GLDC: variants seen among roughly 807,000 people sequenced by gnomAD.
GLDC encodes the protein glycine decarboxylase, also known as glycine dehydrogenase (decarboxylating), mitochondrial.
A neutral mutation model predicts 121.3 loss-of-function variants in GLDC; 104 were observed. That is an observed-to-expected ratio of 0.86 (90% CI 0.73 to 1.01). GLDC has a LOEUF of 1.01. GLDC is among the 50% of genes least tolerant of loss of function. The probability of loss-of-function intolerance (pLI) is 0.00; values close to 1 mark genes in which losing one functional copy is unlikely to be tolerated. For synonymous variants in GLDC, 546 were observed against 480.6 expected, an observed-to-expected ratio of 1.14 and a Z score of -1.78; for missense variants, 1,429 against 1,306.6, an observed-to-expected ratio of 1.09 and a Z score of -1.44.
chr9:6,560,313 G>C (rs1002976365), intron 16 of GLDC, among the ~76,000 whole-genome samples: 1 of 152,138 alleles, frequency 6.6e-6, no homozygotes, highest in African/African-American at 2.4e-5. Context: ...AAACAGCAAA[G>C]GAGTCTACTT....
chr9:6,545,121 G>T (rs889419533), intron 21 of GLDC, among the ~76,000 whole-genome samples: 4 of 148,492 alleles, frequency 2.7e-5, no homozygotes, highest in African/African-American at 1.0e-4. Flanking sequence ...AAAAAAAAAA[G>T]TATCATCTTA....
Position 6,533,124 on chromosome 9 carries a change from T to A in GLDC, c.2956A>T (p.Ile986Phe), listed in dbSNP as rs140028660. ...CCATATATGTCATCAATCCGGGCAA[T>A]CGTTGGCCAGAATTTGTTCTCTGGT... Reference protein sequence around the residue: ...VKPENKFWPTIARIDDIYGDQ... With the variant: ...VKPENKFWPTFARIDDIYGDQ... Residue 986 changes from isoleucine (I) to phenylalanine (F), a missense_variant, in exon 25 of 25, where the codon ATT (isoleucine) becomes TTT (phenylalanine). Ile to Phe is a conservative substitution (Grantham distance 21). Coordinates refer to ENST00000321612, the MANE Select transcript of GLDC (RefSeq NM_000170.3). 1.4e-5 allele frequency: 22 copies of A among 1,613,000 alleles called. No homozygotes were observed. Among genetic ancestry groups the A allele is most frequent in the Non-Finnish European group, 1.6e-5 (19 of 1,179,164 alleles).
At chr9:6,598,447 G>T in intron 8 of GLDC, among the ~76,000 whole-genome samples, 1 of 152,178 alleles carries the variant, frequency 6.6e-6, no homozygotes, top group Non-Finnish European at 1.5e-5. Flanking sequence ...TTAAAAAAGA[G>T]TCATGCCCCA....
chr9:6,603,248 C>A (rs867481671), intron 7 of GLDC, among the ~76,000 whole-genome samples: 3,140 of 143,562 alleles, frequency 0.022, 46 homozygotes, highest in Middle Eastern at 0.069. Context: ...AAAAAAAAAA[C>A]AAATCACACA....
chr9:6,537,282 A>G (rs1415596248), intron 22 of GLDC, among the ~76,000 whole-genome samples: 1 of 152,090 alleles, frequency 6.6e-6, no homozygotes, highest in Non-Finnish European at 1.5e-5. Flanking sequence ...GCCTCCCAAT[A>G]TGCAGAGATA....
At chr9:6,574,251 T>C (rs185630143) in intron 15 of GLDC, among the ~76,000 whole-genome samples, 13 of 152,176 alleles carry the variant, frequency 8.5e-5, no homozygotes, top group African/African-American at 3.1e-4. Context: ...GCAGATCACC[T>C]GAGGTCAGGA....
intron 15 of GLDC, chr9:6,566,615 C>T (rs1250154085): frequency 3.3e-5 from 5 of 152,148 alleles, no homozygotes; most frequent in Admixed American, 3.3e-4. Flanking sequence ...GACTAACATT[C>T]CGGTGAGCAA....
intron 22 of GLDC, 60 bp downstream of exon 22, chr9:6,539,991 G>T: frequency 9.5e-7 from 1 of 1,048,770 alleles, no homozygotes; most frequent in African/African-American, 1.6e-5. Context: ...TTCCATTTGT[G>T]CTTTAGGAAG....
rs141351510 is a variant in GLDC at position 6,611,364 on chromosome 9, T to C, written c.471-1008A>G. Among the ~76,000 whole-genome samples the C allele has an allele frequency of 2.4e-3, 359 of 152,298 alleles. 2 individuals are homozygous for C. Among genetic ancestry groups the C allele is most frequent in the African/African-American group, 7.5e-3 (313 of 41,560 alleles). Reference sequence around the variant, plus strand: ...CGAGGTCAGGAGATCGAGACCATCCTGGCTAACATGGTGAAACCCGTCTCT... The same window carrying C: ...CGAGGTCAGGAGATCGAGACCATCCCGGCTAACATGGTGAAACCCGTCTCT... On this transcript the variant is annotated intron_variant, in intron 3 of 24. Coordinates refer to ENST00000321612, the MANE Select transcript of GLDC (RefSeq NM_000170.3).
intron 8 of GLDC, among the ~76,000 whole-genome samples, chr9:6,596,231 C>A (rs1465098088): frequency 6.6e-6 from 1 of 152,190 alleles, no homozygotes; most frequent in Non-Finnish European, 1.5e-5. Flanking sequence ...GCCTCCACCA[C>A]AATATTGTAG....
At chr9:6,573,921 A>T (rs181759324) in intron 15 of GLDC, among the ~76,000 whole-genome samples, 1 of 152,322 alleles carries the variant, frequency 6.6e-6, no homozygotes, top group African/African-American at 2.4e-5. Context: ...AAACGGTATG[A>T]TTTTAACCAG....
chr9:6,535,710 G>A (rs1354860231), intron 23 of GLDC, among the ~76,000 whole-genome samples: 1 of 152,174 alleles, frequency 6.6e-6, no homozygotes, highest in Non-Finnish European at 1.5e-5. Context: ...TTTTCTCAGA[G>A]ATAACTGCTC....
intron 2 of GLDC, among the ~76,000 whole-genome samples, chr9:6,633,821 CTTTTTT>C (rs1156711956): frequency 1.1e-5 from 1 of 89,462 alleles, no homozygotes; most frequent in Admixed American, 1.5e-4. Flanking sequence ...GCAGGAGAAT[CTTTTTT>C]TTTTTTTTTT....
chr9:6,561,758 A>AG (rs1163358042), intron 16 of GLDC, among the ~76,000 whole-genome samples: 1 of 152,152 alleles, frequency 6.6e-6, no homozygotes, highest in Non-Finnish European at 1.5e-5. Context: ...ATGCCCATTT[A>AG]GGGGGTGCTA....
At position 6,602,173 on chromosome 9, in the gene GLDC, G is replaced by C. The variant is rs747411776; in HGVS notation, c.1091C>G (p.Ala364Gly). The C allele has an allele frequency of 6.2e-7, 1 of 1,612,740 alleles. No individual in the cohort carries two copies. Among genetic ancestry groups the C allele is most frequent in the South Asian group, 1.1e-5 (1 of 91,052 alleles). Reference protein sequence around the residue: ...DATGKEVYRLALQTREQHIRR... With the variant: ...DATGKEVYRLGLQTREQHIRR... ...AATGTGTTGCTCCCTGGTTTGAAGA[G>C]CAAGACGATACACTTCTTTCCCAGT... Residue 364 changes from alanine to glycine, a missense_variant, in exon 8 of 25, where the codon GCT becomes GGT. Coordinates refer to ENST00000321612, the MANE Select transcript of GLDC (RefSeq NM_000170.3).
At chr9:6,630,734 C>A (rs1819358815) in intron 2 of GLDC, among the ~76,000 whole-genome samples, 1 of 152,108 alleles carries the variant, frequency 6.6e-6, no homozygotes, top group African/African-American at 2.4e-5. Context: ...ATAAACAGAC[C>A]ATGAATGACA....
At chr9:6,574,841 T>C (rs1818033019) in intron 15 of GLDC, among the ~76,000 whole-genome samples, 1 of 152,122 alleles carries the variant, frequency 6.6e-6, no homozygotes, top group Non-Finnish European at 1.5e-5. Flanking sequence ...TGATCAGTGA[T>C]GTCAACCATG....
intron 19 of GLDC, 39 bp from the exon 20 acceptor site, chr9:6,553,548 G>C (rs765551148): frequency 1.2e-6 from 2 of 1,603,576 alleles, no homozygotes; most frequent in South Asian, 1.1e-5. Flanking sequence ...AAATGTAAAC[G>C]ATTCAGTTTA....
rs140349396 is a variant in GLDC at position 6,555,321 on chromosome 9, C to A, written c.2203-540G>T. ...CGAGATGACCCAGATACCAGGCATG[C>A]CATCCCACTAGCCTTCCCACCACTT... On this transcript the variant is annotated intron_variant, in intron 18 of 24. Transcript: ENST00000321612. Among the ~76,000 whole-genome samples, 478 of 152,300 alleles carry A rather than the reference C, an allele frequency of 3.1e-3. 5 individuals carry two copies. The highest frequency in any genetic ancestry group is 0.01 in the African/African-American group (432 of 41,546).
Sources: allele counts gnomAD v4.1 joint callset (sites outside exome capture counted in the v4.1 genomes callset), GRCh38; gene constraint gnomAD v4.1.1; transcripts MANE v1.5; gene names NCBI Gene and HGNC (gene_info 2026-07-23, HGNC 2026-07-21).